ZNG1F: variants seen among roughly 807,000 people sequenced by gnomAD.
ZNG1F encodes the protein Zn regulated GTPase metalloprotein activator 1F, also known as zinc-regulated GTPase metalloprotein activator 1F.
chr9:41,183,505 G>A, the ZNG1F span: 103 of 1,480,794 alleles, frequency 7.0e-5, 2 homozygotes, highest in Non-Finnish European at 8.8e-5. Flanking sequence ...AATTAAAGCT[G>A]GAAATATAAT....
At chr9:41,146,189 T>C in the ZNG1F span, among the ~76,000 whole-genome samples, 1 of 145,372 alleles carries the variant, frequency 6.9e-6, no homozygotes, top group Non-Finnish European at 1.5e-5. Context: ...TGTTTAGCAG[T>C]TAAGCACACA....
chr9:41,195,541 G>T, the ZNG1F span, among the ~76,000 whole-genome samples: 3 of 139,260 alleles, frequency 2.2e-5, no homozygotes, highest in Admixed American at 7.8e-5. Flanking sequence ...GTTAAACCAT[G>T]CTATTAATAA....
At chr9:41,132,998 CAA>C in the ZNG1F span, 1 of 401,176 alleles carries the variant, frequency 2.5e-6, no homozygotes, top group Non-Finnish European at 3.3e-6. Flanking sequence ...TGTGAACACA[CAA>C]GAGTAGACAC....
At chr9:41,197,749 G>T in the ZNG1F span, among the ~76,000 whole-genome samples, 1 of 130,566 alleles carries the variant, frequency 7.7e-6, no homozygotes, top group Non-Finnish European at 1.6e-5. Context: ...TGATATTTTA[G>T]ACTGGTTAGC....
the ZNG1F span, chr9:41,183,439 T>A: frequency 9.3e-7 from 1 of 1,073,806 alleles, no homozygotes; most frequent in Non-Finnish European, 1.3e-6. Flanking sequence ...TTATTTTCTA[T>A]TTGTTTGAAA....
chr9:41,134,241 C>G, the ZNG1F span, among the ~76,000 whole-genome samples: 16 of 142,248 alleles, frequency 1.1e-4, 1 homozygote, highest in Non-Finnish European at 2.2e-4. Context: ...GAATAAAACT[C>G]AGAACCAAAG....
the ZNG1F span, chr9:41,131,799 C>T: frequency 1.5e-5 from 6 of 401,734 alleles, no homozygotes; most frequent in Non-Finnish European, 2.6e-5. Context: ...GTCACAGTAG[C>T]TATAAACAGC....
At chr9:41,134,266 TAA>T in the ZNG1F span, among the ~76,000 whole-genome samples, 1 of 132,482 alleles carries the variant, frequency 7.5e-6, no homozygotes, top group Admixed American at 8.2e-5. Context: ...TTTGTTCTCT[TAA>T]AAAAAAAATA....
the ZNG1F span, chr9:41,157,457 G>A: frequency 3.7e-5 from 5 of 136,536 alleles, no homozygotes; most frequent in East Asian, 2.1e-4. Context: ...GTGAGACTCC[G>A]CCTCAAAAGA....
the ZNG1F span, chr9:41,183,773 T>A: frequency 6.4e-7 from 1 of 1,570,054 alleles, no homozygotes; most frequent in East Asian, 2.3e-5. Flanking sequence ...CAGAAACTTA[T>A]ATTTTATAAC....
At chr9:41,144,486 G>T in the ZNG1F span, among the ~76,000 whole-genome samples, 3 of 137,202 alleles carry the variant, frequency 2.2e-5, no homozygotes, top group Non-Finnish European at 4.7e-5. Flanking sequence ...ATTAACAAAA[G>T]TTTCACAGGG....
chr9:41,145,496 C>G, the ZNG1F span: 4 of 565,034 alleles, frequency 7.1e-6, no homozygotes, highest in Non-Finnish European at 1.2e-5. Context: ...TAGAGAAAAG[C>G]TGGCAGATTA....
the ZNG1F span, chr9:41,134,151 A>G: frequency 1.2e-5 from 2 of 168,672 alleles, no homozygotes; most frequent in African/African-American, 4.9e-5. Context: ...CTTCACAACA[A>G]TCCTGGGGAG....
chr9:41,134,139 C>A, the ZNG1F span: 2 of 192,088 alleles, frequency 1.0e-5, no homozygotes, highest in Non-Finnish European at 2.1e-5. Flanking sequence ...TTTTGACTTA[C>A]TCTTCACAAC....
At chr9:41,152,359 T>C in the ZNG1F span, among the ~76,000 whole-genome samples, 1 of 149,598 alleles carries the variant, frequency 6.7e-6, no homozygotes, top group African/African-American at 2.5e-5. Flanking sequence ...AAGCAAGTCC[T>C]TAGAGACCTA....
chr9:41,144,466 G>A, the ZNG1F span, among the ~76,000 whole-genome samples: 5 of 135,796 alleles, frequency 3.7e-5, no homozygotes, highest in African/African-American at 1.4e-4. Flanking sequence ...TAAGTGAAGA[G>A]GAATATCCTA....
the ZNG1F span, chr9:41,157,211 C>T: frequency 6.8e-6 from 1 of 146,806 alleles, no homozygotes; most frequent in East Asian, 2.0e-4. Context: ...CCTGCAATCC[C>T]AGCACTTTGG....
At chr9:41,173,434 AAAGT>A in the ZNG1F span, among the ~76,000 whole-genome samples, 1 of 147,442 alleles carries the variant, frequency 6.8e-6, no homozygotes, top group Non-Finnish European at 1.5e-5. Flanking sequence ...TACTTTTGAA[AAAGT>A]AAGAAAATTT....
the ZNG1F span, among the ~76,000 whole-genome samples, chr9:41,204,418 A>ATC: frequency 3.5e-4 from 6 of 17,230 alleles, no homozygotes; most frequent in African/African-American, 7.1e-4. Context: ...ATATATATAT[A>ATC]TATCTGTATA....
Sources: allele counts gnomAD v4.1 joint callset (sites outside exome capture counted in the v4.1 genomes callset), GRCh38; gene constraint gnomAD v4.1.1; transcripts MANE v1.5; gene names NCBI Gene and HGNC (gene_info 2026-07-23, HGNC 2026-07-21).